The following TMEM132D variants were observed in gnomAD, a reference collection of about 807,000 sequenced individuals.
TMEM132D encodes transmembrane protein 132D.
Under a neutral mutation model 62.3 loss-of-function variants are expected in TMEM132D, and 21 were observed. That is an observed-to-expected ratio of 0.34 (90% CI 0.24 to 0.49). The LOEUF is 0.49. Ranked by LOEUF, TMEM132D falls within the 20% of genes least tolerant of loss-of-function variation. The pLI is 0.99. For missense variants in TMEM132D, 1,346 were observed against 1,402.8 expected (o/e 0.96, Z 0.65); for synonymous variants, 621 against 575.6 (o/e 1.08, Z -1.13).
intron 5 of TMEM132D, chr12:129,109,516 T>C (rs117357242): frequency 0.016 from 2,449 of 152,368 alleles, 22 homozygotes; most frequent in Non-Finnish European, 0.023. Context: ...ATATCTCAAC[T>C]TGAATTGTAT....
intron 3 of TMEM132D, among the ~76,000 whole-genome samples, chr12:129,379,026 G>T (rs1870861626): frequency 6.6e-6 from 1 of 152,120 alleles, no homozygotes; most frequent in Non-Finnish European, 1.5e-5. Context: ...TTCATCAATG[G>T]ATTAACTTTA....
At chr12:129,209,868 ACT>A (rs1565998381) in intron 4 of TMEM132D, 23 of 642,470 alleles carry the variant, frequency 3.6e-5, no homozygotes, top group African/African-American at 5.5e-5. Flanking sequence ...CCACAGGGCA[ACT>A]ATGATGGGGA....
chr12:129,176,074 G>T (rs1458538502), intron 5 of TMEM132D, among the ~76,000 whole-genome samples: 2 of 152,140 alleles, frequency 1.3e-5, no homozygotes, highest in Non-Finnish European at 2.9e-5. Context: ...GCCACTGAGG[G>T]GGCTTATGTT....
intron 3 of TMEM132D, among the ~76,000 whole-genome samples, chr12:129,514,461 T>C (rs756866835): frequency 6.6e-6 from 1 of 152,186 alleles, no homozygotes; most frequent in Non-Finnish European, 1.5e-5. Context: ...AGTTTTGACA[T>C]TGAAGGGCTA....
chr12:129,365,918 G>A (rs981018972), intron 3 of TMEM132D, among the ~76,000 whole-genome samples: 1 of 151,988 alleles, frequency 6.6e-6, no homozygotes, highest in East Asian at 1.9e-4. Context: ...CCTTCCCCCT[G>A]CAATGTCCAC....
intron 4 of TMEM132D, among the ~76,000 whole-genome samples, chr12:129,290,109 G>T: frequency 6.6e-6 from 1 of 152,104 alleles, no homozygotes; most frequent in East Asian, 1.9e-4. Context: ...GCTTAGTAAA[G>T]GACCTCTGAG....
At chr12:129,092,172 G>A (rs1874943475) in intron 5 of TMEM132D, among the ~76,000 whole-genome samples, 1 of 152,128 alleles carries the variant, frequency 6.6e-6, no homozygotes, top group Admixed American at 6.6e-5. Flanking sequence ...ACTCTGGTGT[G>A]CATAATCCGG....
intron 2 of TMEM132D, among the ~76,000 whole-genome samples, chr12:129,554,147 G>T (rs952104465): frequency 6.6e-6 from 1 of 152,110 alleles, no homozygotes; most frequent in Non-Finnish European, 1.5e-5. Context: ...TAAAACAGTG[G>T]TGCTCACGGC....
chr12:129,631,421 C>T (rs1016837767), intron 2 of TMEM132D, among the ~76,000 whole-genome samples: 6 of 152,176 alleles, frequency 3.9e-5, no homozygotes, highest in Admixed American at 6.5e-5. Flanking sequence ...CTGGGTTACT[C>T]ATAATCTCAC....
intron 1 of TMEM132D, among the ~76,000 whole-genome samples, chr12:129,833,990 T>C (rs1872924406): frequency 6.6e-6 from 1 of 152,174 alleles, no homozygotes; most frequent in Non-Finnish European, 1.5e-5. Context: ...ACACCCAGCC[T>C]GGTTGGGGGA....
At chr12:129,140,214 C>CCACACACACACACACA (rs58179230) in intron 5 of TMEM132D, among the ~76,000 whole-genome samples, 24 of 148,662 alleles carry the variant, frequency 1.6e-4, no homozygotes, top group African/African-American at 5.7e-4. Context: ...GGCGCTGTTA[C>CCACACACACACACACA]CACACACACA....
intron 4 of TMEM132D, among the ~76,000 whole-genome samples, chr12:129,308,496 C>G (rs551231877): frequency 6.6e-6 from 1 of 152,332 alleles, no homozygotes; most frequent in Admixed American, 6.5e-5. Context: ...TTCCATTTCT[C>G]TGCCACAGAA....
At chr12:129,082,167 G>A in intron 6 of TMEM132D, 135 bp from the exon 7 acceptor site, 1 of 1,118,226 alleles carries the variant, frequency 8.9e-7, no homozygotes, top group Non-Finnish European at 1.3e-6. Context: ...GACATGCAGA[G>A]GTGAACTTCA....
intron 1 of TMEM132D, among the ~76,000 whole-genome samples, chr12:129,723,357 C>T (rs1202699055): frequency 6.6e-6 from 1 of 152,156 alleles, no homozygotes; most frequent in African/African-American, 2.4e-5. Flanking sequence ...CTCTGTCTGT[C>T]CATGCAGTCG....
At chr12:129,897,448 C>T (rs561538487) in intron 1 of TMEM132D, among the ~76,000 whole-genome samples, 60 of 152,134 alleles carry the variant, frequency 3.9e-4, no homozygotes, top group Non-Finnish European at 6.0e-4. Context: ...CTTCCCTGCC[C>T]AGGACCCTAC....
At chr12:129,180,782 T>C (rs1219899232) in intron 5 of TMEM132D, among the ~76,000 whole-genome samples, 1 of 151,554 alleles carries the variant, frequency 6.6e-6, no homozygotes, top group African/African-American at 2.4e-5. Flanking sequence ...TGTCTTCTCT[T>C]CATCAGGAGT....
chr12:129,506,257 C>T (rs528837895), intron 3 of TMEM132D, among the ~76,000 whole-genome samples: 1 of 152,220 alleles, frequency 6.6e-6, no homozygotes, highest in South Asian at 2.1e-4. Context: ...TGTCTAGAAT[C>T]AATATTGTGA....
chr12:129,835,511 G>A (rs530571837), intron 1 of TMEM132D, among the ~76,000 whole-genome samples: 18 of 152,000 alleles, frequency 1.2e-4, no homozygotes, highest in East Asian at 9.7e-4. Flanking sequence ...GGCTAGTCTC[G>A]AACTCCTGAC....
rs1200742996 is a variant in TMEM132D, at chr12:129,827,593, G to A, written c.79+75668C>T. ...GGAACCCACGTTCTGAGCCTGCGGT[G>A]TTTCCTGCTGTGGCAGTTCACTAAA... is the stretch of plus-strand genomic sequence containing the variant. On this transcript the variant is annotated intron_variant, in intron 1 of 8. Transcript: ENST00000422113. The surrounding 1 kb of genome is among the most constrained non-coding windows in gnomAD (Gnocchi z 9.7). 6.6e-6 allele frequency among the ~76,000 whole-genome samples: 1 copy of A among 152,190 alleles called. No homozygotes were observed. The highest frequency in any genetic ancestry group is 1.5e-5 in the Non-Finnish European group (1 of 68,044).
Sources: allele counts gnomAD v4.1 joint callset (sites outside exome capture counted in the v4.1 genomes callset), GRCh38; gene constraint gnomAD v4.1.1; non-coding constraint Gnocchi (gnomAD v3.1); transcripts MANE v1.5; gene names NCBI Gene and HGNC (gene_info 2026-07-23, HGNC 2026-07-21).